Variants in METTL9 observed in about 807,000 individuals in gnomAD.
The protein encoded by METTL9 is methyltransferase 9, His-X-His N1(pi)-histidine.
METTL9 carries 10 observed loss-of-function variants against 36.0 expected under a neutral mutation model. The observed-to-expected ratio is 0.28, with a 90% CI of 0.17 to 0.47. The LOEUF (loss-of-function observed/expected upper bound fraction) is 0.47. Among genes scored for constraint, METTL9 ranks in the 20% least tolerant of loss-of-function variants. The pLI is 0.99. For missense variants in METTL9, 246 were observed against 383.5 expected, an observed-to-expected ratio of 0.64 and a Z score of 3.00; for synonymous variants, 175 against 149.7, an observed-to-expected ratio of 1.17 and a Z score of -1.23.
At chr16:21,638,942 C>A (rs1401276951) in intron 4 of METTL9, among the ~76,000 whole-genome samples, 4 of 152,160 alleles carry the variant, frequency 2.6e-5, no homozygotes, top group African/African-American at 7.2e-5. Context: ...CCAAACTAAT[C>A]TCAAAGCTAT....
intron 4 of METTL9, among the ~76,000 whole-genome samples, chr16:21,634,917 C>T (rs959795178): frequency 9.2e-5 from 14 of 152,112 alleles, no homozygotes; most frequent in African/African-American, 2.7e-4. Flanking sequence ...CAGATGTTTA[C>T]GACTCCAGTC....
At chr16:21,628,318 T>C (rs1163934802) in intron 4 of METTL9, among the ~76,000 whole-genome samples, 2 of 152,142 alleles carry the variant, frequency 1.3e-5, no homozygotes, top group African/African-American at 4.8e-5. Flanking sequence ...ATTTACACTA[T>C]AGAAATTGGC....
chr16:21,630,009 C>T (rs1286889731), intron 4 of METTL9, among the ~76,000 whole-genome samples: 2 of 152,176 alleles, frequency 1.3e-5, no homozygotes, highest in Non-Finnish European at 2.9e-5. Context: ...GGTGCGTTTA[C>T]AAACCATTAG....
At chr16:21,627,065 C>G in intron 4 of METTL9, 3 of 985,334 alleles carry the variant, frequency 3.0e-6, no homozygotes, top group Non-Finnish European at 3.6e-6. Flanking sequence ...CACTGCAGAC[C>G]TGAGACAAGA....
intron 4 of METTL9, among the ~76,000 whole-genome samples, chr16:21,632,273 A>G (rs1173485431): frequency 6.6e-6 from 1 of 152,176 alleles, no homozygotes; most frequent in African/African-American, 2.4e-5. Context: ...CTGTATACAC[A>G]TTTATTCTTT....
intron 4 of METTL9, chr16:21,640,977 A>G (rs1465451868): frequency 1.3e-5 from 2 of 152,120 alleles, no homozygotes; most frequent in Non-Finnish European, 2.9e-5. Context: ...TCTAGCCACT[A>G]TATTATTCTC....
intron 4 of METTL9, chr16:21,654,954 T>C (rs1029566465): frequency 2.8e-5 from 13 of 463,534 alleles, no homozygotes; most frequent in Non-Finnish European, 5.1e-5. Context: ...AAGATAACAG[T>C]GTGGGGCCTT....
Position 21,647,445 on chromosome 16 carries a change from C to G in METTL9, c.752-7782C>G, listed in dbSNP as rs771034810. The G allele has an allele frequency of 4.3e-6, 7 of 1,613,912 alleles. No homozygotes were observed. In the African/African-American group the frequency reaches 9.3e-5, roughly 22 times the overall value. ...ACGGCCTCATGAGTGTAGTCCACTT[C>G]TAGGTACCACGGTTGTGTGACAGAG... On this transcript the variant is annotated intron_variant, in intron 4 of 4. Transcript: ENST00000358154.
intron 3 of METTL9, among the ~76,000 whole-genome samples, chr16:21,623,586 A>G (rs1965753498): frequency 6.6e-6 from 1 of 151,892 alleles, no homozygotes; most frequent in Admixed American, 6.6e-5. Flanking sequence ...GCTAACAAAG[A>G]CTCTTGATAT....
intron 4 of METTL9, chr16:21,639,441 A>G (rs1326269084): frequency 6.6e-6 from 1 of 152,212 alleles, no homozygotes; most frequent in African/African-American, 2.4e-5. Flanking sequence ...GTTCATTTCG[A>G]TGGTATTAGT....
intron 1 of METTL9, among the ~76,000 whole-genome samples, chr16:21,600,150 G>C (rs1046597652): frequency 6.6e-6 from 1 of 152,068 alleles, no homozygotes; most frequent in Admixed American, 6.5e-5. Context: ...GGGCCCGATC[G>C]TGAGCGGCCC....
At chr16:21,648,216 TTTATC>T (rs1201091920) in intron 4 of METTL9, among the ~76,000 whole-genome samples, 2 of 152,166 alleles carry the variant, frequency 1.3e-5, no homozygotes, top group African/African-American at 4.8e-5. Flanking sequence ...CCTTGTAGCA[TTTATC>T]TTATTTAATT....
At chr16:21,599,564 G>A (rs769064490), upstream of METTL9, 13 of 1,284,538 alleles carry the variant, frequency 1.0e-5, no homozygotes, top group African/African-American at 1.6e-5. The surrounding 1 kb of genome is among the most constrained non-coding windows in gnomAD (Gnocchi z 4.4). Flanking sequence ...CCGAGGCTGC[G>A]CGCCGGCTGC....
intron 4 of METTL9, chr16:21,646,919 G>T: frequency 1.7e-6 from 1 of 585,220 alleles, no homozygotes; most frequent in Non-Finnish European, 3.1e-6. Flanking sequence ...GCCTCAAAGT[G>T]CTGGGATTAC....
intron 1 of METTL9, among the ~76,000 whole-genome samples, chr16:21,600,781 T>G (rs1965103498): frequency 6.6e-6 from 1 of 152,204 alleles, no homozygotes. Flanking sequence ...TAATGTTAAA[T>G]TCATTGAAAA....
chr16:21,651,638 A>G (rs144545201), intron 4 of METTL9, among the ~76,000 whole-genome samples: 1,734 of 152,270 alleles, frequency 0.011, 19 homozygotes, highest in Non-Finnish European at 0.014. Context: ...TTTCTAACAT[A>G]TCAAAGTAGC....
At chr16:21,629,894 C>T (rs1284129565) in intron 4 of METTL9, among the ~76,000 whole-genome samples, 1 of 152,070 alleles carries the variant, frequency 6.6e-6, no homozygotes, top group Non-Finnish European at 1.5e-5. Context: ...GCGTTTACAC[C>T]TTTAGTTAGA....
rs57388340 is a variant in METTL9, at chr16:21,613,168, C to CT, written c.356+369dup. On this transcript the variant is annotated intron_variant, in intron 2 of 4. Coordinates refer to ENST00000358154, the MANE Select transcript of METTL9 (RefSeq NM_016025.5). Reference sequence around the variant, plus strand: ...ATCAGGGGCTAGGTCTGAGAGTCTGCTTTTTTTTTTTTTTTTTTTTTTTTT... The same window carrying CT: ...ATCAGGGGCTAGGTCTGAGAGTCTGCTTTTTTTTTTTTTTTTTTTTTTTTTT... Among the ~76,000 whole-genome samples the CT allele has an allele frequency of 6.9e-3, 632 of 91,374 alleles. 90 individuals are homozygous for CT. The highest frequency in any genetic ancestry group is 9.4e-3 in the Non-Finnish European group (480 of 50,856). 59.9% of individuals were successfully genotyped at this position (91,374 alleles called of 152,430 possible).
At chr16:21,632,261 A>G (rs1174571773) in intron 4 of METTL9, among the ~76,000 whole-genome samples, 2 of 152,250 alleles carry the variant, frequency 1.3e-5, no homozygotes, top group African/African-American at 4.8e-5. Flanking sequence ...CATACTTGCT[A>G]TCTGTATACA....
Sources: allele counts gnomAD v4.1 joint callset (sites outside exome capture counted in the v4.1 genomes callset), GRCh38; gene constraint gnomAD v4.1.1; non-coding constraint Gnocchi (gnomAD v3.1); transcripts MANE v1.5; gene names NCBI Gene and HGNC (gene_info 2026-07-23, HGNC 2026-07-21).